Variants in CSMD1 observed in about 807,000 individuals in gnomAD.
The protein encoded by CSMD1 is CUB and sushi domain-containing protein 1.
In CSMD1, 213 loss-of-function variants were observed where a neutral mutation model predicts 417.5. The observed-to-expected ratio is 0.51, with a 90% CI of 0.46 to 0.57. The LOEUF is 0.57. CSMD1 is among the 20% of genes least tolerant of loss of function. The pLI is 0.00. For synonymous variants in CSMD1, 2,862 were observed against 1,736.8 expected (o/e 1.65, Z -16.11); for missense variants, 6,923 against 4,529.7 (o/e 1.53, Z -15.17).
At chr8:3,644,242 G>T (rs762363798) in intron 7 of CSMD1, among the ~76,000 whole-genome samples, 18 of 152,316 alleles carry the variant, frequency 1.2e-4, no homozygotes, top group Middle Eastern at 3.4e-3. Flanking sequence ...TCGTTGAGGT[G>T]ACACTAACAG....
chr8:4,648,857 AC>A (rs1196353192), intron 1 of CSMD1, among the ~76,000 whole-genome samples: 4 of 152,104 alleles, frequency 2.6e-5, no homozygotes, highest in Admixed American at 6.6e-5. Flanking sequence ...AAGTATGCAC[AC>A]CCACCACAGT....
chr8:4,232,848 T>C lies in CSMD1; in HGVS notation c.415+187105A>G, dbSNP rs143702868. On this transcript the variant is annotated intron_variant, in intron 3 of 69. Coordinates refer to ENST00000635120, the MANE Select transcript of CSMD1 (RefSeq NM_033225.6). ...AAACATTACTTTATTTATTTATTTA[T>C]ATATTTATTTTAGGGGCAACAATCT... Among the ~76,000 whole-genome samples, 8 of 152,258 alleles carry C rather than the reference T, an allele frequency of 5.3e-5. No homozygotes were observed. In the East Asian group the frequency reaches 1.2e-3, roughly 22 times the overall value.
intron 10 of CSMD1, among the ~76,000 whole-genome samples, chr8:3,560,019 T>A (rs1166381372): frequency 6.6e-6 from 1 of 151,982 alleles, no homozygotes; most frequent in Non-Finnish European, 1.5e-5. Context: ...GCGTAAGGGA[T>A]TTAGTGTGGA....
intron 23 of CSMD1, among the ~76,000 whole-genome samples, chr8:3,332,834 TCTC>T (rs1431460693): frequency 1.3e-5 from 2 of 152,154 alleles, no homozygotes; most frequent in African/African-American, 4.8e-5. Context: ...GAATGATTCT[TCTC>T]CTTCCTTGAG....
intron 5 of CSMD1, among the ~76,000 whole-genome samples, chr8:3,834,242 C>G (rs1339344820): frequency 3.9e-5 from 6 of 152,100 alleles, no homozygotes; most frequent in Non-Finnish European, 7.4e-5. Flanking sequence ...CTAAGGCCCC[C>G]TCTGTCCATA....
In CSMD1 at chr8:4,955,688, T is replaced by G. The variant is rs1348736473; in HGVS notation, c.85+38644A>C. On this transcript the variant is annotated intron_variant, in intron 1 of 69. Coordinates refer to ENST00000635120, the MANE Select transcript of CSMD1 (RefSeq NM_033225.6). Reference sequence around the variant, plus strand: ...CCAGGCTGGTCTCGAACTCCTGACCTCAGGTGATCCACCCACCTCGGCCTC... The same window carrying G: ...CCAGGCTGGTCTCGAACTCCTGACCGCAGGTGATCCACCCACCTCGGCCTC... Among the ~76,000 whole-genome samples, 30 of 148,516 alleles carry G rather than the reference T, an allele frequency of 2.0e-4. 1 individual carries two copies. In the Admixed American group the frequency reaches 2.1e-3, roughly 10 times the overall value.
chr8:4,961,899 CT>C (rs1036669477), intron 1 of CSMD1, among the ~76,000 whole-genome samples: 32 of 24,002 alleles, frequency 1.3e-3, no homozygotes, highest in Middle Eastern at 0.056. Context: ...AAATTCCTTC[CT>C]TTTTTTTCCA....
At chr8:4,877,813 T>C (rs956245815) in intron 1 of CSMD1, among the ~76,000 whole-genome samples, 2 of 152,100 alleles carry the variant, frequency 1.3e-5, no homozygotes, top group African/African-American at 2.4e-5. Context: ...ATCTTTTCAC[T>C]AACAGGCCCG....
chr8:4,602,755 A>G (rs11781113), intron 2 of CSMD1, among the ~76,000 whole-genome samples: 70,496 of 151,978 alleles, frequency 0.46, 18,211 homozygotes, highest in Non-Finnish European at 0.58. Context: ...CTACTGCAGA[A>G]AAATCTATAA....
intron 2 of CSMD1, among the ~76,000 whole-genome samples, chr8:4,475,406 TTGAG>T (rs1020309189): frequency 3.5e-4 from 54 of 152,256 alleles, no homozygotes; most frequent in African/African-American, 1.2e-3. Context: ...TGAAAACTTG[TTGAG>T]TGTTTCTCTT....
chr8:3,441,904 G>C (rs944858459), intron 12 of CSMD1, among the ~76,000 whole-genome samples: 3 of 152,010 alleles, frequency 2.0e-5, no homozygotes, highest in Non-Finnish European at 4.4e-5. Flanking sequence ...TCCAGAAGAA[G>C]GCATTGAGAT....
chr8:4,167,874 T>C (rs1032753386), intron 3 of CSMD1, among the ~76,000 whole-genome samples: 1 of 152,068 alleles, frequency 6.6e-6, no homozygotes, highest in Non-Finnish European at 1.5e-5. Flanking sequence ...AGGCCTGTAA[T>C]CTCAGCACTT....
intron 3 of CSMD1, among the ~76,000 whole-genome samples, chr8:4,386,259 C>A (rs919008507): frequency 6.6e-6 from 1 of 151,404 alleles, no homozygotes; most frequent in South Asian, 2.1e-4. Context: ...CATTCTCCTA[C>A]CTTCCATCCC....
intron 5 of CSMD1, among the ~76,000 whole-genome samples, chr8:3,955,948 C>T (rs931857897): frequency 1.3e-5 from 2 of 152,188 alleles, no homozygotes; most frequent in East Asian, 1.9e-4. Context: ...CGCCCAACAC[C>T]ACGCCCAACT....
At chr8:3,302,230 T>C (rs1329036118) in intron 25 of CSMD1, among the ~76,000 whole-genome samples, 4 of 152,328 alleles carry the variant, frequency 2.6e-5, no homozygotes, top group South Asian at 4.1e-4. Context: ...TTGGATCAGC[T>C]TCCACCATTT....
At chr8:3,769,227 C>T (rs937220789) in intron 5 of CSMD1, among the ~76,000 whole-genome samples, 2 of 152,154 alleles carry the variant, frequency 1.3e-5, no homozygotes, top group Non-Finnish European at 2.9e-5. Context: ...CTACAACACT[C>T]GAAGGCAATT....
intron 5 of CSMD1, among the ~76,000 whole-genome samples, chr8:3,952,837 TA>T (rs1432543837): frequency 1.3e-5 from 2 of 152,212 alleles, no homozygotes; most frequent in Non-Finnish European, 2.9e-5. Flanking sequence ...AGCAGAAAGT[TA>T]TTTTGAATGC....
chr8:4,641,777 G>C (rs1803208424), intron 1 of CSMD1, among the ~76,000 whole-genome samples: 1 of 152,070 alleles, frequency 6.6e-6, no homozygotes, highest in East Asian at 1.9e-4. Flanking sequence ...AGTAAATACA[G>C]ACATTCGGAA....
In CSMD1 at chr8:4,719,200, G is replaced by A. The variant is rs151235554; in HGVS notation, c.86-81642C>T. 1.8e-3 allele frequency among the ~76,000 whole-genome samples: 269 copies of A among 152,258 alleles called. 9 individuals are homozygous for A. In the South Asian group the frequency reaches 0.047, roughly 27 times the overall value. ...CTACACAGCTAGAGAAAGTGCAGGG[G>A]TGGGGGAGACTAGATGGCACACATT... is the stretch of plus-strand genomic sequence containing the variant. On this transcript the variant is annotated intron_variant, in intron 1 of 69. Coordinates refer to ENST00000635120, the MANE Select transcript of CSMD1 (RefSeq NM_033225.6).
Sources: allele counts gnomAD v4.1 joint callset (sites outside exome capture counted in the v4.1 genomes callset), GRCh38; gene constraint gnomAD v4.1.1; transcripts MANE v1.5; gene names NCBI Gene and HGNC (gene_info 2026-07-23, HGNC 2026-07-21).